Variants in NIPBL observed in about 807,000 individuals in gnomAD.
The protein encoded by NIPBL is nipped-B-like protein.
NIPBL carries 19 observed loss-of-function variants against 321.8 expected under a neutral mutation model. The observed-to-expected ratio is 0.06, with a 90% CI of 0.04 to 0.09. NIPBL has a LOEUF of 0.09. Ranked by LOEUF, NIPBL falls within the 10% of genes least tolerant of loss-of-function variation. NIPBL has a pLI of 1.00. For synonymous variants in NIPBL, 1,106 were observed against 1,114.1 expected, an observed-to-expected ratio of 0.99 and a Z score of 0.14; for missense variants, 2,210 against 3,327.0, an observed-to-expected ratio of 0.66 and a Z score of 8.26.
At chr5:37,054,153 G>A (rs111739517) in intron 42 of NIPBL, among the ~76,000 whole-genome samples, 10 of 144,846 alleles carry the variant, frequency 6.9e-5, no homozygotes, top group African/African-American at 2.1e-4. Flanking sequence ...CTGAGATCAC[G>A]CCACTGCATT....
At chr5:37,058,608 A>G (rs1362889094) in intron 43 of NIPBL, among the ~76,000 whole-genome samples, 2 of 152,150 alleles carry the variant, frequency 1.3e-5, no homozygotes, top group East Asian at 3.8e-4. Context: ...TTTTATAACT[A>G]TCTTTTATTA....
chr5:36,880,061 A>T (rs1229018366), intron 1 of NIPBL, among the ~76,000 whole-genome samples: 1 of 152,048 alleles, frequency 6.6e-6, no homozygotes, highest in Admixed American at 6.5e-5. Flanking sequence ...CTTTTTAGGG[A>T]TGTAAAGTGA....
At chr5:37,062,164 T>C (rs1296234909) in intron 45 of NIPBL, among the ~76,000 whole-genome samples, 3 of 152,198 alleles carry the variant, frequency 2.0e-5, no homozygotes, top group Admixed American at 6.5e-5. Context: ...TGTGGCATTT[T>C]CCAAATAGTT....
At chr5:36,989,996 A>G (rs1488711844) in intron 10 of NIPBL, among the ~76,000 whole-genome samples, 1 of 151,770 alleles carries the variant, frequency 6.6e-6, no homozygotes, top group African/African-American at 2.4e-5. Context: ...CTTTATGTCT[A>G]AGGAAACCAT....
chr5:36,943,931 A>G (rs1409043882), intron 1 of NIPBL, among the ~76,000 whole-genome samples: 1 of 152,158 alleles, frequency 6.6e-6, no homozygotes, highest in Non-Finnish European at 1.5e-5. Context: ...TAGCAATTTT[A>G]ATGTAATTGC....
chr5:36,968,095 C>CAAAAAAAAAAAAA (rs1194609840), intron 6 of NIPBL, among the ~76,000 whole-genome samples: 1 of 54,182 alleles, frequency 1.8e-5, no homozygotes, highest in Non-Finnish European at 3.6e-5. Context: ...GACTCTGTCT[C>CAAAAAAAAAAAAA]AAAAAAAAAA....
chr5:37,022,215 A>G, intron 28 of NIPBL, 29 bp from the exon 29 acceptor site: 1 of 1,613,586 alleles, frequency 6.2e-7, no homozygotes, highest in Non-Finnish European at 8.5e-7. Flanking sequence ...TTAGGTATAA[A>G]TTGTTTTTTT....
In NIPBL at chr5:36,976,168, T is replaced by C; in HGVS notation, c.1261T>C (p.Ser421Pro). 6.2e-7 allele frequency: 1 copy of C among 1,612,948 alleles called. No homozygotes were observed. The highest frequency in any genetic ancestry group is 1.1e-5 in the South Asian group (1 of 90,966). Residue 421 changes from serine to proline, a missense_variant, in exon 9 of 47, where the codon TCG becomes CCG. Ser to Pro is a moderately conservative substitution (Grantham distance 74). Around this residue, in one of 14 missense-constraint regions of NIPBL, gnomAD observed 464 missense variants for 529.5 expected, o/e 0.88. Transcript: ENST00000282516. ...CCCACTAAATGCTGCTCAATGTTTG[T>C]CGCAGCAAGAACAAACAGCATTCCT... ...NRPLNAAQCLSQQEQTAFLPA... is the reference protein window; with the variant it reads ...NRPLNAAQCLPQQEQTAFLPA...
intron 32 of NIPBL, among the ~76,000 whole-genome samples, chr5:37,033,724 A>ATTTTTTT (rs1286423460): frequency 7.3e-5 from 6 of 82,324 alleles, no homozygotes; most frequent in East Asian, 3.2e-4. Flanking sequence ...ATATATATAT[A>ATTTTTTT]TATATATTTT....
chr5:36,963,556 C>CT (rs1463096566), intron 6 of NIPBL, among the ~76,000 whole-genome samples: 1 of 151,678 alleles, frequency 6.6e-6, no homozygotes, highest in East Asian at 1.9e-4. Context: ...AATCCCAGCA[C>CT]TGTAGGAGGC....
intron 10 of NIPBL, among the ~76,000 whole-genome samples, chr5:36,988,383 A>G (rs1170105278): frequency 6.6e-6 from 1 of 152,096 alleles, no homozygotes; most frequent in Non-Finnish European, 1.5e-5. Flanking sequence ...TATTAATGTA[A>G]CTGCAATTAC....
intron 6 of NIPBL, among the ~76,000 whole-genome samples, chr5:36,965,226 A>C (rs565731254): frequency 2.2e-4 from 33 of 152,262 alleles, no homozygotes; most frequent in Admixed American, 2.1e-3. Flanking sequence ...ATGCACGCCC[A>C]TGTTTATTGC....
chr5:36,904,666 A>G (rs1580192091), intron 1 of NIPBL, among the ~76,000 whole-genome samples: 1 of 152,304 alleles, frequency 6.6e-6, no homozygotes, highest in East Asian at 1.9e-4. Context: ...AGCTGCAGTC[A>G]TCACAAGGTT....
intron 1 of NIPBL, among the ~76,000 whole-genome samples, chr5:36,921,222 T>A (rs911639607): frequency 2.0e-5 from 3 of 151,548 alleles, no homozygotes; most frequent in African/African-American, 4.9e-5. Flanking sequence ...AAAAAAAAAA[T>A]TACTGATATT....
chr5:37,046,841 A>C (rs1481972694), intron 38 of NIPBL, among the ~76,000 whole-genome samples: 1 of 152,228 alleles, frequency 6.6e-6, no homozygotes, highest in African/African-American at 2.4e-5. Context: ...AATTGAATGC[A>C]CTTCAAAAAA....
intron 3 of NIPBL, among the ~76,000 whole-genome samples, chr5:36,957,171 C>T (rs972906155): frequency 1.3e-5 from 2 of 152,098 alleles, no homozygotes; most frequent in Admixed American, 6.5e-5. Flanking sequence ...TTAATTTTAT[C>T]ATCATCTCCC....
intron 1 of NIPBL, among the ~76,000 whole-genome samples, chr5:36,947,659 A>T (rs549782832): frequency 6.6e-6 from 1 of 152,148 alleles, no homozygotes; most frequent in African/African-American, 2.4e-5. Context: ...CTATGTACAT[A>T]TAGCAGCAAC....
intron 9 of NIPBL, 138 bp downstream of exon 9, chr5:36,976,540 T>C (rs1224576372): frequency 1.3e-5 from 10 of 768,004 alleles, no homozygotes; most frequent in Non-Finnish European, 2.1e-5. Flanking sequence ...TTATTACTAA[T>C]ACTCATAATG....
intron 10 of NIPBL, among the ~76,000 whole-genome samples, chr5:36,987,881 C>T (rs1044671335): frequency 3.9e-5 from 6 of 152,194 alleles, no homozygotes; most frequent in African/African-American, 9.6e-5. Context: ...GTTAACACCA[C>T]AATTGTTTTC....
Sources: allele counts gnomAD v4.1 joint callset (sites outside exome capture counted in the v4.1 genomes callset), GRCh38; gene constraint gnomAD v4.1.1; regional missense constraint gnomAD v4.1.1; transcripts MANE v1.5; gene names NCBI Gene and HGNC (gene_info 2026-07-23, HGNC 2026-07-21).